The following STAMBPL1 variants were observed in gnomAD, a reference collection of about 807,000 sequenced individuals.
STAMBPL1 encodes AMSH-like protease.
A neutral mutation model predicts 52.9 loss-of-function variants in STAMBPL1; 44 were observed. The observed-to-expected ratio is 0.83, with a 90% CI of 0.65 to 1.07. The LOEUF is 1.07. STAMBPL1 is among the 50% of genes least tolerant of loss of function. The pLI is 0.00. For synonymous variants in STAMBPL1, 164 were observed against 177.3 expected, an observed-to-expected ratio of 0.92 and a Z score of 0.60; for missense variants, 511 against 520.8, an observed-to-expected ratio of 0.98 and a Z score of 0.18.
rs1356551260 is a variant in STAMBPL1, at chr10:88,921,654, T to C, written c.1154+259T>C. The stretch of plus-strand genomic sequence containing the variant: ...CATTTAAGAAAGATGCTATCCCAGT[T>C]AGCCTTTTTAGGACTTATTTCTACT... On this transcript the variant is annotated intron_variant, in intron 9 of 10. Transcript: ENST00000371926. Among the ~76,000 whole-genome samples, 4 of 152,354 alleles carry C rather than the reference T, an allele frequency of 2.6e-5. No homozygotes were observed. In the South Asian group the frequency reaches 6.2e-4, roughly 24 times the overall value.
At chr10:88,892,206 A>G (rs1372507807) in intron 1 of STAMBPL1, among the ~76,000 whole-genome samples, 1 of 152,156 alleles carries the variant, frequency 6.6e-6, no homozygotes, top group Non-Finnish European at 1.5e-5. Flanking sequence ...GGGGGTTTGT[A>G]ACTGTTTAAT....
chr10:88,904,973 C>G (rs1269826530), intron 2 of STAMBPL1, among the ~76,000 whole-genome samples: 2 of 151,962 alleles, frequency 1.3e-5, no homozygotes, highest in Admixed American at 6.6e-5. Context: ...CTAAACAACA[C>G]TTATTCTGGA....
chr10:88,919,511 G>A (rs1589380541), intron 8 of STAMBPL1, among the ~76,000 whole-genome samples: 1 of 152,180 alleles, frequency 6.6e-6, no homozygotes, highest in Non-Finnish European at 1.5e-5. Flanking sequence ...AACTTGACAA[G>A]CAGAGTGATT....
intron 1 of STAMBPL1, among the ~76,000 whole-genome samples, chr10:88,893,496 C>T (rs1052808377): frequency 1.3e-5 from 2 of 152,106 alleles, no homozygotes; most frequent in African/African-American, 4.8e-5. Flanking sequence ...AATCCCAGTA[C>T]TTTGGGAGGC....
At chr10:88,908,609 C>A in intron 3 of STAMBPL1, 93 bp from the exon 4 acceptor site, 1 of 1,043,382 alleles carries the variant, frequency 9.6e-7, no homozygotes, top group Non-Finnish European at 1.4e-6. Flanking sequence ...TTAAACATGT[C>A]ATTTTTGAAA....
At chr10:88,896,821 C>G (rs969980826) in intron 1 of STAMBPL1, among the ~76,000 whole-genome samples, 5 of 151,880 alleles carry the variant, frequency 3.3e-5, no homozygotes, top group African/African-American at 1.2e-4. Flanking sequence ...GGATTCTGAA[C>G]TTTGCCACAC....
chr10:88,886,077 A>G (rs938117814), intron 1 of STAMBPL1, among the ~76,000 whole-genome samples: 1 of 152,272 alleles, frequency 6.6e-6, no homozygotes, highest in Non-Finnish European at 1.5e-5. Context: ...AAACAAAAAC[A>G]AAATAAACAA....
intron 4 of STAMBPL1, among the ~76,000 whole-genome samples, chr10:88,910,461 A>C (rs1845192418): frequency 6.6e-6 from 1 of 152,144 alleles, no homozygotes; most frequent in Non-Finnish European, 1.5e-5. Flanking sequence ...CTGTATTTTT[A>C]TAAAAAGTGC....
chr10:88,907,974 T>C (rs1845116224), intron 3 of STAMBPL1, among the ~76,000 whole-genome samples: 1 of 152,218 alleles, frequency 6.6e-6, no homozygotes, highest in African/African-American at 2.4e-5. Context: ...GGGTTATTCA[T>C]TCATTTTGCA....
chr10:88,886,857 T>C (rs1844547528), intron 1 of STAMBPL1, among the ~76,000 whole-genome samples: 1 of 152,154 alleles, frequency 6.6e-6, no homozygotes, highest in African/African-American at 2.4e-5. Context: ...TAATTAAAAG[T>C]GTAGGGAAAA....
intron 6 of STAMBPL1, 152 bp from the exon 7 acceptor site, chr10:88,914,382 C>G (rs1564632646): frequency 2.3e-6 from 1 of 437,526 alleles, no homozygotes; most frequent in Non-Finnish European, 3.7e-6. Context: ...ATGTTTACTT[C>G]TAAGAGTTTT....
intron 1 of STAMBPL1, among the ~76,000 whole-genome samples, chr10:88,891,382 T>G (rs1844678915): frequency 6.6e-6 from 1 of 151,992 alleles, no homozygotes; most frequent in Non-Finnish European, 1.5e-5. Context: ...GAACTAATAA[T>G]TATAGAAGGA....
At position 88,880,332 on chromosome 10, in the gene STAMBPL1, G is replaced by A. The variant is rs1329029436; in HGVS notation, c.-360G>A. Reference sequence around the variant, plus strand: ...GGCCGGCCTGCGCGTGGGCTTGCGAGGACGCTGTTCGTCCCCTGCGCTGGG... The same window carrying A: ...GGCCGGCCTGCGCGTGGGCTTGCGAAGACGCTGTTCGTCCCCTGCGCTGGG... On this transcript the variant is annotated 5_prime_UTR_variant, in exon 1 of 11. Coordinates refer to ENST00000371926, the MANE Select transcript of STAMBPL1 (RefSeq NM_020799.4). 2 of 152,308 alleles carry A rather than the reference G, an allele frequency of 1.3e-5. No homozygotes were observed. The highest frequency in any genetic ancestry group is 4.8e-5 in the African/African-American group (2 of 41,470). 9.4% of individuals were successfully genotyped at this position (152,308 alleles called of 1,614,324 possible).
At chr10:88,916,602 T>C in intron 7 of STAMBPL1, 78 bp from the exon 8 acceptor site, 1 of 1,470,868 alleles carries the variant, frequency 6.8e-7, no homozygotes, top group Non-Finnish European at 9.0e-7. Context: ...TCTTTAGTCT[T>C]AAACATTTCA....
intron 1 of STAMBPL1, among the ~76,000 whole-genome samples, chr10:88,894,693 T>C (rs1188696646): frequency 6.6e-6 from 1 of 152,208 alleles, no homozygotes; most frequent in African/African-American, 2.4e-5. Context: ...AGTGATTTTT[T>C]TCTAAATGAA....
intron 9 of STAMBPL1, among the ~76,000 whole-genome samples, chr10:88,922,061 G>A (rs768438182): frequency 1.3e-5 from 2 of 152,132 alleles, no homozygotes; most frequent in African/African-American, 4.8e-5. Flanking sequence ...AGACTCTCTA[G>A]TGGGGCTTTG....
intron 5 of STAMBPL1, chr10:88,912,871 AT>A (rs1845262139): frequency 1.0e-5 from 5 of 489,972 alleles, no homozygotes; most frequent in Non-Finnish European, 1.8e-5. Context: ...CCTGATTGTC[AT>A]GGCCTGTCTC....
chr10:88,908,606 T>C, intron 3 of STAMBPL1, 96 bp from the exon 4 acceptor site: 1 of 980,532 alleles, frequency 1.0e-6, no homozygotes, highest in Non-Finnish European at 1.5e-6. Context: ...TTATTAAACA[T>C]GTCATTTTTG....
chr10:88,916,539 G>C (rs1268000475), intron 7 of STAMBPL1, 141 bp from the exon 8 acceptor site: 1 of 436,420 alleles, frequency 2.3e-6, no homozygotes, highest in East Asian at 4.4e-5. Context: ...CAGGTACAGG[G>C]AGGGATGATG....
Sources: allele counts gnomAD v4.1 joint callset (sites outside exome capture counted in the v4.1 genomes callset), GRCh38; gene constraint gnomAD v4.1.1; transcripts MANE v1.5; gene names NCBI Gene and HGNC (gene_info 2026-07-23, HGNC 2026-07-21).